The following LEKR1 variants were observed in gnomAD, a reference collection of about 807,000 sequenced individuals.
LEKR1 encodes the protein leucine, glutamate and lysine rich 1, also known as protein LEKR1.
In LEKR1, 59 loss-of-function variants were observed where a neutral mutation model predicts 72.4. The observed-to-expected ratio is 0.82, with a 90% CI of 0.66 to 1.01. The LOEUF is 1.01. Among genes scored for constraint, LEKR1 ranks in the 50% least tolerant of loss-of-function variants. The pLI is 0.00. For synonymous variants in LEKR1, 257 were observed against 263.2 expected, an observed-to-expected ratio of 0.98 and a Z score of 0.23; for missense variants, 728 against 759.2, an observed-to-expected ratio of 0.96 and a Z score of 0.48.
intron 7 of LEKR1, among the ~76,000 whole-genome samples, chr3:156,987,256 AT>A (rs1358592630): frequency 6.6e-6 from 1 of 152,170 alleles, no homozygotes; most frequent in Non-Finnish European, 1.5e-5. Flanking sequence ...GAAGATAACA[AT>A]TGGGTAACAA....
chr3:156,880,196 A>G (rs1719120922), intron 3 of LEKR1, among the ~76,000 whole-genome samples: 1 of 152,210 alleles, frequency 6.6e-6, no homozygotes, highest in South Asian at 2.1e-4. Flanking sequence ...GTCCCCTGCA[A>G]AGCCACAGGG....
chr3:156,970,981 A>C (rs970255964), intron 6 of LEKR1, among the ~76,000 whole-genome samples: 1 of 151,782 alleles, frequency 6.6e-6, no homozygotes, highest in Non-Finnish European at 1.5e-5. Flanking sequence ...CAGAATTGGA[A>C]AAAACTACTT....
intron 2 of LEKR1, among the ~76,000 whole-genome samples, chr3:156,831,816 G>C (rs1712450699): frequency 6.6e-6 from 1 of 152,192 alleles, no homozygotes; most frequent in Non-Finnish European, 1.5e-5. Flanking sequence ...AGATTTGGGT[G>C]GGGGCACAGC....
At chr3:156,849,382 T>G (rs1715046790) in intron 2 of LEKR1, among the ~76,000 whole-genome samples, 1 of 152,214 alleles carries the variant, frequency 6.6e-6, no homozygotes, top group Non-Finnish European at 1.5e-5. Context: ...ACTAATGACT[T>G]TCTTCACAGA....
At position 156,993,073 on chromosome 3, in the gene LEKR1, G is replaced by A; in HGVS notation, c.906-1G>A. The stretch of plus-strand genomic sequence containing the variant: ...TGGGTGTTTTTCCTATTTCTTTTTA[G>A]GCATACTATGCTGCTTAAGGAAAAA... On this transcript the variant is annotated splice_acceptor_variant, in intron 8 of 12. Coordinates refer to ENST00000356539, the MANE Select transcript of LEKR1 (RefSeq NM_001004316.3). LOFTEE classifies it high-confidence loss of function. The A allele has an allele frequency of 6.4e-7, 1 of 1,555,744 alleles. No homozygotes were observed. Among genetic ancestry groups the A allele is most frequent in the Non-Finnish European group, 8.7e-7 (1 of 1,147,838 alleles).
chr3:156,954,714 A>C (rs1257485536), intron 6 of LEKR1, among the ~76,000 whole-genome samples: 1 of 151,824 alleles, frequency 6.6e-6, no homozygotes, highest in African/African-American at 2.4e-5. Context: ...CCATTGTTCT[A>C]TATGTCTGTT....
At chr3:156,941,329 C>T (rs1726181325) in intron 5 of LEKR1, among the ~76,000 whole-genome samples, 1 of 152,060 alleles carries the variant, frequency 6.6e-6, no homozygotes, top group Admixed American at 6.6e-5. Flanking sequence ...CTTTCTACCC[C>T]ATTTTGCTTT....
At chr3:156,888,893 GA>G (rs1165837977) in intron 3 of LEKR1, among the ~76,000 whole-genome samples, 1 of 152,088 alleles carries the variant, frequency 6.6e-6, no homozygotes. Flanking sequence ...TAATGTCTTT[GA>G]AAAATTAACT....
chr3:156,838,038 T>C (rs1253447449), intron 2 of LEKR1, among the ~76,000 whole-genome samples: 1 of 152,144 alleles, frequency 6.6e-6, no homozygotes, highest in Non-Finnish European at 1.5e-5. Context: ...AAAATACACA[T>C]GACAAAACAC....
chr3:156,866,563 A>G (rs983910080), intron 3 of LEKR1, among the ~76,000 whole-genome samples: 2 of 152,062 alleles, frequency 1.3e-5, no homozygotes, highest in African/African-American at 4.8e-5. Flanking sequence ...AAAATAATTA[A>G]CCACTATATC....
At chr3:156,932,298 A>G (rs1725294907) in intron 5 of LEKR1, among the ~76,000 whole-genome samples, 1 of 152,244 alleles carries the variant, frequency 6.6e-6, no homozygotes, top group Admixed American at 6.5e-5. Flanking sequence ...CACTTCTAAC[A>G]ATTTTGTTAT....
intron 12 of LEKR1, 142 bp downstream of exon 12, chr3:157,028,544 C>G: frequency 1.4e-6 from 1 of 708,766 alleles, no homozygotes; most frequent in Non-Finnish European, 2.3e-6. Flanking sequence ...TCCTGGTGCT[C>G]TGTCCTTAAT....
intron 12 of LEKR1, among the ~76,000 whole-genome samples, chr3:157,034,317 C>CA (rs1734821009): frequency 6.6e-6 from 1 of 152,156 alleles, no homozygotes; most frequent in African/African-American, 2.4e-5. Flanking sequence ...GGGAAGGACT[C>CA]ACCATTCTAG....
chr3:156,971,511 G>T (rs1018339682), intron 6 of LEKR1, among the ~76,000 whole-genome samples: 3 of 152,174 alleles, frequency 2.0e-5, no homozygotes, highest in African/African-American at 7.2e-5. Flanking sequence ...GAACTAAAGA[G>T]CTTCTGCACA....
At chr3:156,877,532 T>C (rs912468591) in intron 3 of LEKR1, among the ~76,000 whole-genome samples, 5 of 152,168 alleles carry the variant, frequency 3.3e-5, no homozygotes, top group African/African-American at 1.2e-4. Flanking sequence ...TATTTCTTCC[T>C]AATTTAATTT....
At chr3:156,870,024 A>C (rs1055859167) in intron 3 of LEKR1, among the ~76,000 whole-genome samples, 3 of 151,684 alleles carry the variant, frequency 2.0e-5, no homozygotes, top group Non-Finnish European at 4.4e-5. Context: ...GAAATATGTC[A>C]GTTTATTTCT....
At chr3:156,899,499 T>C (rs1229606130) in intron 3 of LEKR1, among the ~76,000 whole-genome samples, 2 of 123,736 alleles carry the variant, frequency 1.6e-5, no homozygotes, top group Non-Finnish European at 3.2e-5. Context: ...TATACACATA[T>C]ATACATGTAT....
chr3:156,861,085 A>G (rs1223323413), intron 3 of LEKR1, among the ~76,000 whole-genome samples: 1 of 152,126 alleles, frequency 6.6e-6, no homozygotes, highest in Non-Finnish European at 1.5e-5. Context: ...TTGCTTCCTG[A>G]AACAATATCA....
At chr3:156,909,017 T>A (rs1054446286) in intron 3 of LEKR1, among the ~76,000 whole-genome samples, 7 of 152,128 alleles carry the variant, frequency 4.6e-5, no homozygotes, top group African/African-American at 1.7e-4. Context: ...CCCCATACTG[T>A]TCTTGTGGTA....
Sources: allele counts gnomAD v4.1 joint callset (sites outside exome capture counted in the v4.1 genomes callset), GRCh38; gene constraint gnomAD v4.1.1; transcripts MANE v1.5; gene names NCBI Gene and HGNC (gene_info 2026-07-23, HGNC 2026-07-21).